Variants in ALMS1 observed in about 807,000 individuals in gnomAD.
ALMS1 encodes the protein centrosome-associated protein ALMS1.
ALMS1 carries 271 observed loss-of-function variants against 352.2 expected under a neutral mutation model. The ratio of observed to expected loss-of-function variants is 0.77; its 90% confidence interval spans 0.70 to 0.85. ALMS1 has a LOEUF of 0.85. Among genes scored for constraint, ALMS1 ranks in the 40% least tolerant of loss-of-function variants. The pLI, the probability that ALMS1 is intolerant of heterozygous loss-of-function variation, is 0.00. For missense variants in ALMS1, 5,445 were observed against 4,870.7 expected (o/e 1.12, Z -3.51); for synonymous variants, 1,865 against 1,761.2 (o/e 1.06, Z -1.48).
At chr2:73,408,864 C>G in intron 2 of ALMS1, 117 bp downstream of exon 2, 1 of 187,554 alleles carries the variant, frequency 5.3e-6, no homozygotes. Flanking sequence ...GTTTTCTTGT[C>G]TTTTTTTTTT....
At chr2:73,385,778 A>C, upstream of ALMS1, 1 of 614,642 alleles carries the variant, frequency 1.6e-6, no homozygotes, top group Non-Finnish European at 2.9e-6. Context: ...CACTGCGCCT[A>C]AGCTGGGCCA....
At chr2:73,541,437 A>G (rs1449005552) in intron 12 of ALMS1, among the ~76,000 whole-genome samples, 1 of 152,244 alleles carries the variant, frequency 6.6e-6, no homozygotes, top group Admixed American at 6.5e-5. Context: ...TCGAAAATTG[A>G]CAGCCTAACA....
At chr2:73,591,463 G>A (rs1675432333) in intron 16 of ALMS1, among the ~76,000 whole-genome samples, 1 of 152,152 alleles carries the variant, frequency 6.6e-6, no homozygotes, top group South Asian at 2.1e-4. Context: ...CAATCAGTTA[G>A]AATTGGTAAA....
intron 16 of ALMS1, among the ~76,000 whole-genome samples, chr2:73,587,365 G>A (rs926738504): frequency 6.6e-6 from 1 of 152,102 alleles, no homozygotes; most frequent in Non-Finnish European, 1.5e-5. Flanking sequence ...AGTTCTCAGG[G>A]GAAATCCTTT....
chr2:73,465,224 C>G (rs1248945393), intron 9 of ALMS1, among the ~76,000 whole-genome samples: 1 of 152,094 alleles, frequency 6.6e-6, no homozygotes, highest in Non-Finnish European at 1.5e-5. Flanking sequence ...ATCACACTAC[C>G]TGACTTCAAA....
In ALMS1 at chr2:73,600,796, A is replaced by G. The variant is rs1675665477; in HGVS notation, c.11787A>G (p.Ser3929=). 7 of 1,614,254 alleles carry G rather than the reference A, an allele frequency of 4.3e-6. No individual in the cohort carries two copies. Among genetic ancestry groups the G allele is most frequent in the Non-Finnish European group, 5.9e-6 (7 of 1,180,030 alleles). The part of the protein sequence containing the change: ...LEENSDVTSW[S]EEKREEKMLF... ...AGAACAGTGATGTGACTTCTTGGTC[A>G]GAAGAAAAACGTGAAGAGAAAATGC... The change falls in exon 18 of 23, where the codon TCA becomes TCG. Residue 3929 remains serine (S), a synonymous_variant. Transcript: ENST00000613296.
At chr2:73,508,907 G>A (rs1673392067) in intron 10 of ALMS1, among the ~76,000 whole-genome samples, 1 of 152,162 alleles carries the variant, frequency 6.6e-6, no homozygotes, top group African/African-American at 2.4e-5. Flanking sequence ...GGGTGCTCTT[G>A]TATTGGGTGC....
intron 13 of ALMS1, among the ~76,000 whole-genome samples, chr2:73,552,153 AT>A (rs1200185363): frequency 3.3e-5 from 5 of 152,234 alleles, no homozygotes; most frequent in Non-Finnish European, 7.3e-5. Context: ...TGCTGCACCC[AT>A]TAACTCGTCA....
Position 73,439,131 on chromosome 2 carries a change from TAAA to T in ALMS1, c.1432+6841_1432+6843del, listed in dbSNP as rs1558644509. On this transcript the variant is annotated intron_variant, in intron 7 of 22. Coordinates refer to ENST00000613296, the MANE Select transcript of ALMS1 (RefSeq NM_001378454.1). The stretch of plus-strand genomic sequence containing the variant: ...TCCTCCTCCTCTTTTTTTTTTTTTT[TAAA>T]TAAAGATAAAGTCTCACTCTGTTGC... 7.0e-3 allele frequency among the ~76,000 whole-genome samples: 1,057 copies of T among 150,244 alleles called. 24 individuals carry two copies. Among genetic ancestry groups the T allele is most frequent in the African/African-American group, 0.025 (1,004 of 40,802 alleles).
chr2:73,523,047 C>T (rs1673717821), intron 11 of ALMS1, among the ~76,000 whole-genome samples: 1 of 152,168 alleles, frequency 6.6e-6, no homozygotes, highest in Non-Finnish European at 1.5e-5. Flanking sequence ...TAACAACACT[C>T]ATAGTCACAA....
chr2:73,603,135 C>T (rs1407616003), intron 20 of ALMS1, 106 bp from the exon 21 acceptor site: 20 of 1,046,196 alleles, frequency 1.9e-5, no homozygotes, highest in Non-Finnish European at 2.8e-5. Context: ...GTCTTGCCAG[C>T]TCAGGGTAGG....
chr2:73,386,353 G>T (rs1486481693), intron 1 of ALMS1, among the ~76,000 whole-genome samples, 161 bp downstream of exon 1: 3 of 152,224 alleles, frequency 2.0e-5, no homozygotes, highest in African/African-American at 7.2e-5. Context: ...CCGGCCGGCT[G>T]CTCCGCGTCT....
intron 3 of ALMS1, among the ~76,000 whole-genome samples, chr2:73,420,416 C>T (rs1317675736): frequency 1.3e-5 from 2 of 152,072 alleles, no homozygotes; most frequent in Non-Finnish European, 2.9e-5. Flanking sequence ...ATTGTAAAAA[C>T]AAACAACAGT....
chr2:73,583,308 A>G (rs1197215797), intron 16 of ALMS1, among the ~76,000 whole-genome samples: 1 of 151,710 alleles, frequency 6.6e-6, no homozygotes, highest in Non-Finnish European at 1.5e-5. Flanking sequence ...GATTATAGGC[A>G]TGAGCCACCA....
intron 11 of ALMS1, 76 bp from the exon 12 acceptor site, chr2:73,534,748 T>C (rs1673990168): frequency 2.0e-6 from 3 of 1,506,098 alleles, no homozygotes; most frequent in Non-Finnish European, 2.8e-6. Flanking sequence ...GCCTGAAACA[T>C]AGAAGGCATT....
intron 11 of ALMS1, among the ~76,000 whole-genome samples, chr2:73,527,434 A>G (rs1010462028): frequency 1.3e-5 from 2 of 151,798 alleles, no homozygotes; most frequent in African/African-American, 2.4e-5. Context: ...TTTTATTACA[A>G]CTTTTACCTT....
intron 9 of ALMS1, among the ~76,000 whole-genome samples, chr2:73,477,929 C>T (rs1672615427): frequency 1.3e-5 from 2 of 152,126 alleles, no homozygotes; most frequent in Admixed American, 1.3e-4. Flanking sequence ...AGTTGTACTT[C>T]TTTCTTTCCA....
At chr2:73,504,186 A>C (rs1393679906) in intron 10 of ALMS1, among the ~76,000 whole-genome samples, 1 of 152,226 alleles carries the variant, frequency 6.6e-6, no homozygotes, top group Non-Finnish European at 1.5e-5. Flanking sequence ...TGCATTATCA[A>C]AACCAGTAAA....
intron 10 of ALMS1, among the ~76,000 whole-genome samples, chr2:73,508,473 G>A (rs868148613): frequency 2.9e-4 from 44 of 152,110 alleles, no homozygotes; most frequent in African/African-American, 1.0e-3. Flanking sequence ...CCAAAATGCT[G>A]GGGTTACAGA....
Sources: allele counts gnomAD v4.1 joint callset (sites outside exome capture counted in the v4.1 genomes callset), GRCh38; gene constraint gnomAD v4.1.1; transcripts MANE v1.5; gene names NCBI Gene and HGNC (gene_info 2026-07-23, HGNC 2026-07-21).